The following KIAA1217 variants were observed in gnomAD, a reference collection of about 807,000 sequenced individuals.
The protein encoded by KIAA1217 is sickle tail protein homolog.
KIAA1217 carries 88 observed loss-of-function variants against 163.9 expected under a neutral mutation model. The ratio of observed to expected loss-of-function variants is 0.54; its 90% CI spans 0.45 to 0.64. KIAA1217 has a LOEUF of 0.64. KIAA1217 is among the 30% of genes least tolerant of loss of function. KIAA1217 has a pLI of 0.00. For missense variants in KIAA1217, 2,372 were observed against 2,475.0 expected (o/e 0.96, Z 0.88); for synonymous variants, 903 against 923.1 (o/e 0.98, Z 0.39).
At chr10:24,205,744 G>T (rs566169047), upstream of KIAA1217, among the ~76,000 whole-genome samples, 1 of 151,484 alleles carries the variant, frequency 6.6e-6, no homozygotes, top group South Asian at 2.1e-4. Flanking sequence ...CTGCACTCCA[G>T]CCTGGGTGAC....
At chr10:23,777,929 G>A (rs1194345507) in intron 1 of KIAA1217, among the ~76,000 whole-genome samples, 3 of 151,706 alleles carry the variant, frequency 2.0e-5, no homozygotes, top group African/African-American at 7.3e-5. Context: ...TCTTAACTAC[G>A]GAAATTTTTT....
intron 1 of KIAA1217, among the ~76,000 whole-genome samples, chr10:23,855,496 G>A (rs1458414318): frequency 3.9e-5 from 6 of 151,982 alleles, no homozygotes; most frequent in Admixed American, 6.6e-5. Flanking sequence ...ATGTGTCTTG[G>A]GGTTGCTCTT....
intron 2 of KIAA1217, among the ~76,000 whole-genome samples, chr10:24,303,227 G>A (rs1250463701): frequency 6.6e-6 from 1 of 151,878 alleles, no homozygotes; most frequent in Non-Finnish European, 1.5e-5. Flanking sequence ...TGATGCCCAG[G>A]CTGGTTTCAA....
At chr10:23,939,261 T>C (rs1843658077) in intron 1 of KIAA1217, among the ~76,000 whole-genome samples, 1 of 152,100 alleles carries the variant, frequency 6.6e-6, no homozygotes, top group Admixed American at 6.6e-5. Flanking sequence ...ATTTTTAAAA[T>C]CACATTAAAT....
intron 2 of KIAA1217, among the ~76,000 whole-genome samples, chr10:24,137,282 C>T (rs74687753): frequency 3.0e-3 from 463 of 152,344 alleles, no homozygotes; most frequent in Non-Finnish European, 5.5e-3. Flanking sequence ...CAGGCAGCCA[C>T]GTGTGGTGAT....
intron 1 of KIAA1217, among the ~76,000 whole-genome samples, chr10:23,813,501 T>C (rs1056735598): frequency 2.0e-5 from 3 of 152,098 alleles, no homozygotes; most frequent in Non-Finnish European, 2.9e-5. Context: ...GATCCTGTTT[T>C]TCTCACTTAA....
chr10:24,179,500 C>A (rs2066067273), intron 2 of KIAA1217, among the ~76,000 whole-genome samples: 1 of 152,156 alleles, frequency 6.6e-6, no homozygotes, highest in South Asian at 2.1e-4. Flanking sequence ...GAGGCCTCCC[C>A]AGCCATGCTT....
chr10:24,036,050 C>A (rs149459119), intron 2 of KIAA1217, among the ~76,000 whole-genome samples: 1 of 152,348 alleles, frequency 6.6e-6, no homozygotes, highest in African/African-American at 2.4e-5. Flanking sequence ...GCCAGCGGAG[C>A]ACAGGGTTAC....
At chr10:23,883,516 G>A (rs754540320) in intron 1 of KIAA1217, among the ~76,000 whole-genome samples, 9 of 151,854 alleles carry the variant, frequency 5.9e-5, no homozygotes, top group Non-Finnish European at 1.3e-4. Context: ...TGAGTAGAGG[G>A]TACAGAGCCT....
chr10:24,542,887 C>T lies in KIAA1217; in HGVS notation c.3617C>T (p.Thr1206Ile). ...NGPQMEFQKV[T>I]TGAVRPSDPP... ...CTCCTCCGTTCTCCCTCTCAGGTTA[C>T]CACAGGGGCTGTAAGACCTAGTGAC... The change falls in exon 19 of 21, where the codon ACC becomes ATC. Residue 1206 changes from threonine (T) to isoleucine (I), a missense_variant. By Grantham distance (89) the Thr-to-Ile change is moderately conservative. Coordinates refer to ENST00000376454, the MANE Select transcript of KIAA1217 (RefSeq NM_019590.5). 6.2e-7 allele frequency: 1 copy of T among 1,610,324 alleles called. No individual in the cohort carries two copies. The highest frequency in any genetic ancestry group is 8.5e-7 in the Non-Finnish European group (1 of 1,177,976).
chr10:23,823,191 T>A (rs1185084811), intron 1 of KIAA1217, among the ~76,000 whole-genome samples: 1 of 152,152 alleles, frequency 6.6e-6, no homozygotes, highest in African/African-American at 2.4e-5. Flanking sequence ...TCTGGAGGCT[T>A]TGGGGGAGAT....
Position 23,732,352 on chromosome 10 carries a change from A to C in KIAA1217, c.-321+37118A>C, listed in dbSNP as rs1564374311. Among the ~76,000 whole-genome samples, 4 of 152,182 alleles carry C rather than the reference A, an allele frequency of 2.6e-5. No homozygotes were observed. In the South Asian group the frequency reaches 8.3e-4, roughly 31 times the overall value. On this transcript the variant is annotated intron_variant, in intron 1 of 18. Transcript: ENST00000376462. The stretch of plus-strand genomic sequence containing the variant: ...ACCATTGATCAAAAATGTTCAAAAA[A>C]ACCCAAAACAACAAAAACAAAAATT...
chr10:24,511,312 A>G (rs1226279550), intron 9 of KIAA1217, among the ~76,000 whole-genome samples: 2 of 152,094 alleles, frequency 1.3e-5, no homozygotes, highest in African/African-American at 4.8e-5. Flanking sequence ...CAGAGAGAGC[A>G]TAGGAGGATG....
intron 1 of KIAA1217, among the ~76,000 whole-genome samples, chr10:23,864,640 T>G (rs2131143865): frequency 6.6e-6 from 1 of 151,906 alleles, no homozygotes; most frequent in Admixed American, 6.6e-5. Context: ...TAAATACACA[T>G]GAATAGGGCT....
At chr10:24,090,267 C>T (rs1203876431) in intron 2 of KIAA1217, among the ~76,000 whole-genome samples, 1 of 141,290 alleles carries the variant, frequency 7.1e-6, no homozygotes. Context: ...CCTGGTTTCA[C>T]ACAATCCTTC....
In KIAA1217 at chr10:23,932,261, A is replaced by T. The variant is rs576058543; in HGVS notation, c.-320-74964A>T. On this transcript the variant is annotated intron_variant, in intron 1 of 18. Transcript: ENST00000376462. ...TTCATCACAGCTTGTGAGAAAAGTC[A>T]GGACTGTCGCCTGCAGGGTCCAAAA... is the stretch of plus-strand genomic sequence containing the variant. Among the ~76,000 whole-genome samples the T allele has an allele frequency of 2.0e-5, 3 of 152,346 alleles. No homozygotes were observed. In the East Asian group the frequency reaches 5.8e-4, roughly 29 times the overall value.
At chr10:23,935,545 C>A (rs12245142) in intron 1 of KIAA1217, among the ~76,000 whole-genome samples, 9,099 of 152,190 alleles carry the variant, frequency 0.06, 486 homozygotes, top group African/African-American at 0.14. Flanking sequence ...AGTATATTAG[C>A]AACAAACTGG....
At chr10:23,912,463 C>T (rs1318763917) in intron 1 of KIAA1217, among the ~76,000 whole-genome samples, 1 of 151,810 alleles carries the variant, frequency 6.6e-6, no homozygotes, top group Non-Finnish European at 1.5e-5. Context: ...CCAAGAGGTA[C>T]TTTTTCAACC....
chr10:23,804,772 A>C (rs1192244698), intron 1 of KIAA1217, among the ~76,000 whole-genome samples: 2 of 152,216 alleles, frequency 1.3e-5, no homozygotes, highest in African/African-American at 2.4e-5. Context: ...GTATAGTCCG[A>C]GACAATAGAT....
Sources: gnomAD v4.1 joint callset for allele counts (sites outside exome capture counted in the v4.1 genomes callset) on GRCh38, gnomAD v4.1.1 for gene constraint, MANE v1.5 for transcripts, NCBI Gene and HGNC (gene_info 2026-07-23, HGNC 2026-07-21) for gene names.